MAGI2: variants seen among roughly 807,000 people sequenced by gnomAD.
MAGI2 encodes membrane-associated guanylate kinase, WW and PDZ domain-containing protein 2.
In MAGI2, 35 loss-of-function variants were observed where a neutral mutation model predicts 133.3. The observed-to-expected ratio is 0.26, with a 90% CI of 0.20 to 0.35. MAGI2 has a LOEUF of 0.35. MAGI2 is among the 10% of genes least tolerant of loss of function. The pLI, the probability that MAGI2 is intolerant of heterozygous loss-of-function variation, is 1.00. For missense variants in MAGI2, 1,636 were observed against 1,863.4 expected, an observed-to-expected ratio of 0.88 and a Z score of 2.25; for synonymous variants, 729 against 710.6, an observed-to-expected ratio of 1.03 and a Z score of -0.41.
intron 2 of MAGI2, among the ~76,000 whole-genome samples, chr7:78,665,011 A>G (rs1156237189): frequency 6.6e-6 from 1 of 152,078 alleles, no homozygotes; most frequent in Non-Finnish European, 1.5e-5. Flanking sequence ...TATAAGCATG[A>G]TTTTGGTCAC....
intron 1 of MAGI2, among the ~76,000 whole-genome samples, chr7:79,185,740 G>C (rs1827027670): frequency 6.6e-6 from 1 of 151,792 alleles, no homozygotes; most frequent in East Asian, 1.9e-4. Flanking sequence ...TCAAGGACAG[G>C]CATTTCAAAG....
At chr7:79,159,945 A>T (rs1179697096) in intron 1 of MAGI2, among the ~76,000 whole-genome samples, 1 of 152,124 alleles carries the variant, frequency 6.6e-6, no homozygotes, top group African/African-American at 2.4e-5. Context: ...CTACCAAACT[A>T]AATTAAAGGT....
intron 1 of MAGI2, among the ~76,000 whole-genome samples, chr7:79,289,243 T>G (rs749168855): frequency 6.6e-6 from 1 of 152,166 alleles, no homozygotes; most frequent in Non-Finnish European, 1.5e-5. Flanking sequence ...AGCTTCTCAT[T>G]AAGCTCTGCT....
rs373658838 is a variant in MAGI2, at chr7:78,375,580, T to TA, written c.1046-6368dup. On this transcript the variant is annotated intron_variant, in intron 6 of 21. Transcript: ENST00000354212. ...ATTATTTTATGTTGACTAGCCTTTT[T>TA]AAAAAAAAAACAAAATTTGAGGTTC... Among the ~76,000 whole-genome samples the TA allele has an allele frequency of 2.0e-3, 297 of 148,996 alleles. 1 individual carries two copies. The highest frequency in any genetic ancestry group is 5.8e-3 in the African/African-American group (235 of 40,616).
chr7:78,591,272 G>T (rs17379997), intron 3 of MAGI2, among the ~76,000 whole-genome samples: 14,694 of 152,152 alleles, frequency 0.097, 730 homozygotes, highest in Non-Finnish European at 0.11. Context: ...TCCTGAAACA[G>T]ACCTCATTGA....
chr7:78,513,958 C>T (rs1162070816), intron 4 of MAGI2, among the ~76,000 whole-genome samples: 2 of 151,838 alleles, frequency 1.3e-5, no homozygotes, highest in Non-Finnish European at 2.9e-5. Context: ...CATGGTGGCA[C>T]ATGCCTGTAA....
At chr7:79,078,701 A>G (rs1349317668) in intron 1 of MAGI2, among the ~76,000 whole-genome samples, 1 of 152,226 alleles carries the variant, frequency 6.6e-6, no homozygotes, top group Non-Finnish European at 1.5e-5. Flanking sequence ...TTGGAAGTCA[A>G]TGAGAGCCAA....
intron 3 of MAGI2, among the ~76,000 whole-genome samples, chr7:78,600,650 T>C (rs929315100): frequency 3.9e-5 from 6 of 152,216 alleles, no homozygotes; most frequent in African/African-American, 1.2e-4. Flanking sequence ...AAAACGATAG[T>C]ACACTGGAGT....
chr7:79,084,009 C>A (rs1816275834), intron 1 of MAGI2, among the ~76,000 whole-genome samples: 1 of 151,578 alleles, frequency 6.6e-6, no homozygotes, highest in Non-Finnish European at 1.5e-5. Context: ...TAATGACACT[C>A]CCTTTTTAAC....
At chr7:78,755,645 C>CA (rs886406799) in intron 2 of MAGI2, among the ~76,000 whole-genome samples, 1 of 152,172 alleles carries the variant, frequency 6.6e-6, no homozygotes, top group Non-Finnish European at 1.5e-5. Context: ...GGTGATTTGA[C>CA]AAAATAATTT....
chr7:78,376,663 A>AT (rs1417678360), intron 6 of MAGI2, among the ~76,000 whole-genome samples: 1 of 152,152 alleles, frequency 6.6e-6, no homozygotes, highest in Non-Finnish European at 1.5e-5. Flanking sequence ...CTATTGATGT[A>AT]TGAAAAAATA....
At chr7:79,292,549 C>T (rs1408784929) in intron 1 of MAGI2, among the ~76,000 whole-genome samples, 1 of 151,702 alleles carries the variant, frequency 6.6e-6, no homozygotes, top group Non-Finnish European at 1.5e-5. Context: ...AACAGAATCA[C>T]TTGAACCTGA....
intron 2 of MAGI2, among the ~76,000 whole-genome samples, chr7:78,764,279 C>T (rs1253414293): frequency 2.0e-5 from 3 of 152,120 alleles, no homozygotes; most frequent in African/African-American, 7.2e-5. Flanking sequence ...TCTTTAAAAG[C>T]ACCTCTGACA....
At chr7:79,186,191 A>AATATATAT (rs60719172) in intron 1 of MAGI2, among the ~76,000 whole-genome samples, 266 of 111,508 alleles carry the variant, frequency 2.4e-3, no homozygotes, top group South Asian at 7.6e-3. Context: ...TGCCTGGGAA[A>AATATATAT]ATATATATAT....
At chr7:78,710,112 G>T (rs1228964556) in intron 2 of MAGI2, among the ~76,000 whole-genome samples, 1 of 152,022 alleles carries the variant, frequency 6.6e-6, no homozygotes, top group African/African-American at 2.4e-5. Flanking sequence ...TAACAGAATG[G>T]TTATTTCTGT....
chr7:78,024,974 TA>T (rs1355678896), intron 21 of MAGI2, among the ~76,000 whole-genome samples: 1 of 152,188 alleles, frequency 6.6e-6, no homozygotes, highest in African/African-American at 2.4e-5. Context: ...CTTTGAGACA[TA>T]AATTAGATCA....
intron 1 of MAGI2, among the ~76,000 whole-genome samples, chr7:79,152,658 A>G (rs923919783): frequency 6.6e-6 from 1 of 152,096 alleles, no homozygotes; most frequent in African/African-American, 2.4e-5. Context: ...TTCAGGTTCC[A>G]CTCCAAATGA....
At chr7:78,892,461 G>C (rs1347550525) in intron 2 of MAGI2, among the ~76,000 whole-genome samples, 1 of 152,032 alleles carries the variant, frequency 6.6e-6, no homozygotes. Flanking sequence ...GAGGCATCAT[G>C]CTACCTGACT....
At chr7:78,020,472 A>T (rs1221046137) in intron 21 of MAGI2, among the ~76,000 whole-genome samples, 1 of 152,108 alleles carries the variant, frequency 6.6e-6, no homozygotes, top group Non-Finnish European at 1.5e-5. Flanking sequence ...CATTCTGAAA[A>T]AGGTGGCCTA....
Sources: gnomAD v4.1 joint callset for allele counts (sites outside exome capture counted in the v4.1 genomes callset) on GRCh38, gnomAD v4.1.1 for gene constraint, MANE v1.5 for transcripts, NCBI Gene and HGNC (gene_info 2026-07-23, HGNC 2026-07-21) for gene names.